The following DLGAP4 variants were observed in gnomAD, a reference collection of about 807,000 sequenced individuals.
DLGAP4 encodes DLG associated protein 4, also known as disks large-associated protein 4.
A neutral mutation model predicts 86.9 loss-of-function variants in DLGAP4; 18 were observed. That is an observed-to-expected ratio of 0.21 (90% CI 0.14 to 0.31). The LOEUF (loss-of-function observed/expected upper bound fraction) is 0.31, where lower values mean the gene tolerates loss of function less well. Among genes scored for constraint, DLGAP4 ranks in the 10% least tolerant of loss-of-function variants. DLGAP4 has a pLI of 1.00. For synonymous variants in DLGAP4, 548 were observed against 574.3 expected (o/e 0.95, Z 0.65); for missense variants, 1,085 against 1,362.6 (o/e 0.80, Z 3.21).
At chr20:36,524,451 C>G in intron 11 of DLGAP4, 110 bp downstream of exon 11, 1 of 885,198 alleles carries the variant, frequency 1.1e-6, no homozygotes, top group Non-Finnish European at 1.7e-6. Flanking sequence ...ACACACAGCG[C>G]GGCTTCCTCA....
Position 36,413,373 on chromosome 20 carries a change from C to T in DLGAP4, c.-72-18273C>T, listed in dbSNP as rs866934332. ...TGTCCTCCCTAGCCTCTGGCAATTA[C>T]TAATCCACTTTTTGTTCCTGTTGAT... On this transcript the variant is annotated intron_variant, in intron 2 of 12. Transcript: ENST00000339266. Among the ~76,000 whole-genome samples the T allele has an allele frequency of 3.4e-5, 5 of 148,508 alleles. No individual in the cohort carries two copies. In the South Asian group the frequency reaches 8.5e-4, roughly 25 times the overall value.
chr20:36,308,797 T>C lies in DLGAP4; in HGVS notation c.-304+2285T>C, dbSNP rs1371846302. Among the ~76,000 whole-genome samples, 1 of 152,182 alleles carries C rather than the reference T, an allele frequency of 6.6e-6. No homozygotes were observed. The highest frequency in any genetic ancestry group is 2.4e-5 in the African/African-American group (1 of 41,440). On this transcript the variant is annotated intron_variant, in intron 1 of 12. Transcript: ENST00000339266. The surrounding 1 kb of genome is among the most constrained non-coding windows in gnomAD (Gnocchi z 4.5). ...GGTATTCATTCATTCAGAAAAGCAT[T>C]AGAAAATCGCATTTGCTAACATCAG...
chr20:36,338,959 G>A (rs1459249164), intron 1 of DLGAP4, among the ~76,000 whole-genome samples: 1 of 152,230 alleles, frequency 6.6e-6, no homozygotes, highest in Non-Finnish European at 1.5e-5. Context: ...GTGAGCCAGG[G>A]AGCAAGAGCC....
intron 10 of DLGAP4, among the ~76,000 whole-genome samples, chr20:36,523,516 GTTTAT>G (rs1386563783): frequency 6.6e-6 from 1 of 152,096 alleles, no homozygotes; most frequent in African/African-American, 2.4e-5. Flanking sequence ...CATTTTCCAT[GTTTAT>G]TTAATCTCTG....
rs184616111 is a variant in DLGAP4, at chr20:36,456,084, C to T, written c.1648+9147C>T. ...GCCACCATCGATTCGCGATGTCTACCGTAGCCAGAAGAGTTACATACATCT... is the reference window on the plus strand; with the variant it reads ...GCCACCATCGATTCGCGATGTCTACTGTAGCCAGAAGAGTTACATACATCT... On this transcript the variant is annotated intron_variant, in intron 7 of 12. Transcript: ENST00000339266. Among the ~76,000 whole-genome samples the T allele has an allele frequency of 4.2e-3, 641 of 152,270 alleles. 8 individuals carry two copies. Among genetic ancestry groups the T allele is most frequent in the African/African-American group, 0.015 (622 of 41,556 alleles).
chr20:36,366,209 T>C (rs2030683966), intron 1 of DLGAP4, among the ~76,000 whole-genome samples: 2 of 152,128 alleles, frequency 1.3e-5, no homozygotes, highest in African/African-American at 4.8e-5. Flanking sequence ...AACCTCTGCC[T>C]CCTGGGTTCA....
intron 1 of DLGAP4, among the ~76,000 whole-genome samples, chr20:36,338,178 G>T (rs545657630): frequency 3.9e-5 from 6 of 152,352 alleles, no homozygotes; most frequent in African/African-American, 1.2e-4. Context: ...GGGGAGCTCT[G>T]TCTGCTGAGA....
intron 12 of DLGAP4, 133 bp from the exon 13 acceptor site, chr20:36,526,680 G>A (rs1412029090): frequency 8.9e-6 from 7 of 789,074 alleles, no homozygotes; most frequent in Non-Finnish European, 1.2e-5. Context: ...CTGATTCCAA[G>A]TGTGTGTTGC....
chr20:36,481,819 G>C (rs1211896629), intron 7 of DLGAP4, among the ~76,000 whole-genome samples: 2 of 152,196 alleles, frequency 1.3e-5, no homozygotes, highest in Non-Finnish European at 2.9e-5. Flanking sequence ...CCAGAGTTCA[G>C]TGGGGACTGC....
intron 11 of DLGAP4, among the ~76,000 whole-genome samples, chr20:36,525,240 A>ATCCC (rs2037655503): frequency 7.9e-6 from 1 of 127,112 alleles, no homozygotes; most frequent in Non-Finnish European, 1.7e-5. Context: ...AAAAAAAAAA[A>ATCCC]AAAAAAAAAA....
At chr20:36,409,920 G>T (rs1392857604) in intron 2 of DLGAP4, among the ~76,000 whole-genome samples, 2 of 150,782 alleles carry the variant, frequency 1.3e-5, no homozygotes, top group Non-Finnish European at 2.9e-5. Context: ...TATAGTCCCA[G>T]CTACTCGGGA....
chr20:36,425,091 G>C (rs2032939016), intron 2 of DLGAP4, among the ~76,000 whole-genome samples: 1 of 152,168 alleles, frequency 6.6e-6, no homozygotes, highest in African/African-American at 2.4e-5. Flanking sequence ...GAAAGAGCGA[G>C]TAAGTGGTCA....
intron 10 of DLGAP4, among the ~76,000 whole-genome samples, chr20:36,516,137 A>G (rs1254323779): frequency 1.3e-5 from 2 of 152,346 alleles, no homozygotes; most frequent in Non-Finnish European, 2.9e-5. Flanking sequence ...ACAACTATGC[A>G]TATCTTGCTG....
intron 1 of DLGAP4, among the ~76,000 whole-genome samples, chr20:36,354,367 A>G (rs967226156): frequency 3.2e-4 from 48 of 152,224 alleles, no homozygotes; most frequent in Non-Finnish European, 1.2e-4. Context: ...TTATTTGAGT[A>G]CTGTTTACAC....
intron 2 of DLGAP4, among the ~76,000 whole-genome samples, chr20:36,400,182 T>C (rs1042674391): frequency 1.3e-5 from 2 of 152,254 alleles, no homozygotes; most frequent in Non-Finnish European, 2.9e-5. Context: ...GTAACTGTCA[T>C]GAATGCCAAA....
intron 1 of DLGAP4, among the ~76,000 whole-genome samples, chr20:36,315,296 C>T (rs933697113): frequency 1.3e-4 from 19 of 151,944 alleles, no homozygotes; most frequent in Admixed American, 7.2e-4. Context: ...AAGAGGAGAC[C>T]GTAGCTGTCT....
intron 10 of DLGAP4, among the ~76,000 whole-genome samples, chr20:36,511,323 T>G (rs983133738): frequency 1.3e-5 from 2 of 152,062 alleles, no homozygotes; most frequent in African/African-American, 4.8e-5. Context: ...CTGCCTCAGC[T>G]TTCCAAGTAG....
At chr20:36,513,894 T>G (rs1357380051) in intron 10 of DLGAP4, among the ~76,000 whole-genome samples, 3 of 152,174 alleles carry the variant, frequency 2.0e-5, no homozygotes, top group African/African-American at 7.2e-5. Context: ...ACATGTTAAA[T>G]TTGATATGCT....
At chr20:36,384,245 G>C (rs971738380) in intron 2 of DLGAP4, among the ~76,000 whole-genome samples, 1 of 152,064 alleles carries the variant, frequency 6.6e-6, no homozygotes, top group Non-Finnish European at 1.5e-5. Context: ...ATTTGGCCTG[G>C]TCCCGACGCC....
Sources: allele counts gnomAD v4.1 joint callset (sites outside exome capture counted in the v4.1 genomes callset), GRCh38; gene constraint gnomAD v4.1.1; non-coding constraint Gnocchi (gnomAD v3.1); transcripts MANE v1.5; gene names NCBI Gene and HGNC (gene_info 2026-07-23, HGNC 2026-07-21).